The following DPT variants were observed in gnomAD, a reference collection of about 807,000 sequenced individuals.
DPT encodes the protein tyrosine-rich acidic matrix protein.
A neutral mutation model predicts 31.2 loss-of-function variants in DPT; 21 were observed. That is an observed-to-expected ratio of 0.67 (90% confidence interval 0.48 to 0.97). The LOEUF (loss-of-function observed/expected upper bound fraction) is 0.97. Ranked by LOEUF, DPT falls within the 50% of genes least tolerant of loss-of-function variation. DPT has a pLI of 0.00. For missense variants in DPT, 262 were observed against 258.8 expected, an observed-to-expected ratio of 1.01 and a Z score of -0.08; for synonymous variants, 91 against 86.9, an observed-to-expected ratio of 1.05 and a Z score of -0.26.
chr1:168,700,894 TGTGTGTGTGTGTGG>T (rs920127096), intron 3 of DPT, 109 bp downstream of exon 3: 109 of 554,574 alleles, frequency 2.0e-4, no homozygotes, highest in African/African-American at 6.5e-4. Flanking sequence ...ATTCTACGTG[TGTGTGTGTGTGTGG>T]GTGTGTGTGT....
chr1:168,709,342 GAC>G (rs1430111936), intron 2 of DPT, among the ~76,000 whole-genome samples: 2 of 152,174 alleles, frequency 1.3e-5, no homozygotes, highest in Non-Finnish European at 2.9e-5. Context: ...GTGGTTTGCA[GAC>G]CACTAGACTA....
intron 1 of DPT, among the ~76,000 whole-genome samples, chr1:168,726,793 G>T (rs987455348): frequency 1.3e-5 from 2 of 152,248 alleles, no homozygotes; most frequent in Admixed American, 1.3e-4. Flanking sequence ...GCTGTGAGGA[G>T]TCATGGAGAC....
intron 2 of DPT, among the ~76,000 whole-genome samples, chr1:168,706,580 C>A (rs573457955): frequency 6.6e-6 from 1 of 152,292 alleles, no homozygotes; most frequent in Non-Finnish European, 1.5e-5. Context: ...CAAGCGGGAC[C>A]TCTGGTAGTC....
chr1:168,712,135 G>A (rs1649881251), intron 2 of DPT, among the ~76,000 whole-genome samples: 1 of 152,152 alleles, frequency 6.6e-6, no homozygotes, highest in Admixed American at 6.5e-5. Context: ...TCAGTGAGTG[G>A]CCCCATATCC....
chr1:168,700,390 G>A (rs1337744), intron 3 of DPT, among the ~76,000 whole-genome samples: 24,869 of 152,000 alleles, frequency 0.16, 2,165 homozygotes, highest in Middle Eastern at 0.2. Context: ...TCTATTGTTC[G>A]TAAGTTACCC....
chr1:168,711,634 T>G (rs1330507863), intron 2 of DPT, among the ~76,000 whole-genome samples: 1 of 152,242 alleles, frequency 6.6e-6, no homozygotes, highest in East Asian at 1.9e-4. Flanking sequence ...TCTCAAGTTC[T>G]GCTTCCTGCA....
At chr1:168,711,168 G>T (rs1408426831) in intron 2 of DPT, among the ~76,000 whole-genome samples, 1 of 125,888 alleles carries the variant, frequency 7.9e-6, no homozygotes, top group Non-Finnish European at 1.6e-5. Flanking sequence ...CTGCCACCAA[G>T]CCTGGCTAAT....
intron 2 of DPT, among the ~76,000 whole-genome samples, chr1:168,712,297 T>C (rs1450127563): frequency 1.3e-5 from 2 of 151,978 alleles, no homozygotes; most frequent in African/African-American, 4.8e-5. Context: ...ATGTTCCCCT[T>C]CCTCCCCACT....
chr1:168,716,738 T>C (rs590033), intron 1 of DPT, among the ~76,000 whole-genome samples: 108,171 of 152,038 alleles, frequency 0.71, 39,570 homozygotes, highest in African/African-American at 0.88. Context: ...CAGTGTGTGT[T>C]GTTCCCCTCC....
chr1:168,696,498 C>A lies in DPT; in HGVS notation c.*51G>T. On this transcript the variant is annotated 3_prime_UTR_variant, in exon 4 of 4. Transcript: ENST00000367817. Reference sequence around the variant, plus strand: ...AACTGATGTTAACATATGTGGACACCCTCCTGTCCCCGGCCCCTTTCCTTT... The same window carrying A: ...AACTGATGTTAACATATGTGGACACACTCCTGTCCCCGGCCCCTTTCCTTT... 6.9e-7 allele frequency: 1 copy of A among 1,444,798 alleles called. No homozygotes were observed. The highest frequency in any genetic ancestry group is 1.2e-5 in the South Asian group (1 of 83,410). 89.5% of individuals were successfully genotyped at this position (1,444,798 alleles called of 1,614,324 possible). A position where few individuals can be genotyped will look rare whatever the true frequency, so the allele number is the denominator to read the frequency against.
At chr1:168,700,526 G>A (rs1451540421) in intron 3 of DPT, among the ~76,000 whole-genome samples, 1 of 152,138 alleles carries the variant, frequency 6.6e-6, no homozygotes, top group African/African-American at 2.4e-5. Context: ...TGATATAGAG[G>A]CACGGGGTGG....
At position 168,714,363 on chromosome 1, in the gene DPT, C is replaced by T. The variant is rs746498784; in HGVS notation, c.306-17G>A. ...GTCTGGTACCTGAAGAGAAGACAAC[C>T]CCAGGAACCTAAGAACAGTGACACA... On this transcript the variant is annotated splice_polypyrimidine_tract_variant and intron_variant, in intron 1 of 3. Coordinates refer to ENST00000367817, the MANE Select transcript of DPT (RefSeq NM_001937.5). The T allele has an allele frequency of 1.2e-5, 20 of 1,613,932 alleles. No homozygotes were observed. The highest frequency in any genetic ancestry group is 8.9e-5 in the East Asian group (4 of 44,888).
chr1:168,702,565 G>A (rs1274358128), intron 2 of DPT, among the ~76,000 whole-genome samples: 2 of 151,392 alleles, frequency 1.3e-5, no homozygotes, highest in African/African-American at 4.9e-5. Flanking sequence ...CTTATTTTGT[G>A]CTTCTAAAGA....
Position 168,724,631 on chromosome 1 carries a change from G to A in DPT, c.305+4239C>T, listed in dbSNP as rs1353738545. 1.2e-4 allele frequency among the ~76,000 whole-genome samples: 18 copies of A among 152,134 alleles called. 1 individual carries two copies. On this transcript the variant is annotated intron_variant, in intron 1 of 3. Transcript: ENST00000367817. Reference sequence around the variant, plus strand: ...GTGGAGACAGCGAGATGTGTGGGGAGAGGAGGTGGTCTTGGAAAGCATCCC... The same window carrying A: ...GTGGAGACAGCGAGATGTGTGGGGAAAGGAGGTGGTCTTGGAAAGCATCCC...
chr1:168,704,960 G>A (rs924491823), intron 2 of DPT, among the ~76,000 whole-genome samples: 1 of 152,168 alleles, frequency 6.6e-6, no homozygotes, highest in Non-Finnish European at 1.5e-5. Flanking sequence ...GCTGATAGAT[G>A]TCTCGGCTCC....
chr1:168,701,199 T>C (rs554995099), intron 2 of DPT, 75 bp from the exon 3 acceptor site: 1 of 1,146,406 alleles, frequency 8.7e-7, no homozygotes, highest in African/African-American at 1.5e-5. Context: ...AGACACACTA[T>C]GAAGAAGAGA....
chr1:168,725,268 TCTTCCTTCCTTCTTTC>T (rs1383511299), intron 1 of DPT, among the ~76,000 whole-genome samples: 10 of 145,908 alleles, frequency 6.9e-5, no homozygotes, highest in Non-Finnish European at 1.3e-4. Context: ...TCCCTTCCTT[TCTTCCTTCCTTCTTTC>T]CTTCCTTCCT....
chr1:168,718,248 AAG>A (rs1650030001), intron 1 of DPT, among the ~76,000 whole-genome samples: 1 of 152,248 alleles, frequency 6.6e-6, no homozygotes, highest in African/African-American at 2.4e-5. Flanking sequence ...TAAATGTAGG[AAG>A]ATAAGCCGAA....
In DPT at chr1:168,725,260, C is replaced by T. The variant is rs532441386; in HGVS notation, c.305+3610G>A. Among the ~76,000 whole-genome samples the T allele has an allele frequency of 8.5e-4, 103 of 121,652 alleles. 1 individual carries two copies. The highest frequency in any genetic ancestry group is 3.2e-3 in the African/African-American group (96 of 30,212). 79.8% of individuals were successfully genotyped at this position (121,652 alleles called of 152,430 possible). A position where few individuals can be genotyped will look rare whatever the true frequency, so the allele number is the denominator to read the frequency against. On this transcript the variant is annotated intron_variant, in intron 1 of 3. Transcript: ENST00000367817. ...TTTCCTTTCCTTTCCTTTCTCTTTC[C>T]CTTCCTTTCTTCCTTCCTTCTTTCC...
Sources: gnomAD v4.1 joint callset for allele counts (sites outside exome capture counted in the v4.1 genomes callset) on GRCh38, gnomAD v4.1.1 for gene constraint, MANE v1.5 for transcripts, NCBI Gene and HGNC (gene_info 2026-07-23, HGNC 2026-07-21) for gene names.